Variants in TCF7 observed in about 807,000 individuals in gnomAD.
The protein encoded by TCF7 is T-cell-factor-7.
TCF7 carries 19 observed loss-of-function variants against 46.8 expected under a neutral mutation model. The observed-to-expected ratio is 0.41, with a 90% CI of 0.28 to 0.60. The LOEUF is 0.60. Ranked by LOEUF, TCF7 falls within the 20% of genes least tolerant of loss-of-function variation. The pLI, the probability that TCF7 is intolerant of heterozygous loss-of-function variation, is 0.35. For missense variants in TCF7, 547 were observed against 504.6 expected, an observed-to-expected ratio of 1.08 and a Z score of -0.81; for synonymous variants, 245 against 213.4, an observed-to-expected ratio of 1.15 and a Z score of -1.29.
chr5:134,137,767 C>T (rs1759106977), intron 3 of TCF7: 1 of 277,520 alleles, frequency 3.6e-6, no homozygotes, highest in African/African-American at 2.2e-5. Context: ...ACAAGCCAAA[C>T]CTGAGATGAG....
Position 134,138,660 on chromosome 5 carries a change from C to T in TCF7, c.548-291C>T, listed in dbSNP as rs908052978. On this transcript the variant is annotated intron_variant, in intron 4 of 9. Transcript: ENST00000342854. ...CCTGCCCAGAAAGCTAGGCTGGAGT[C>T]CCCCGAGCAGAGATGCCCCAATGCC... The T allele has an allele frequency of 1.1e-5, 4 of 378,678 alleles. No homozygotes were observed. The Admixed American group carries it at 1.2e-4, about 11-fold the overall frequency. The allele number at this position is 378,678 out of a possible 1,614,324, so 23.5% of individuals were successfully genotyped here.
chr5:134,134,404 A>C (rs935819216), intron 3 of TCF7, among the ~76,000 whole-genome samples: 5 of 152,234 alleles, frequency 3.3e-5, no homozygotes, highest in Non-Finnish European at 7.3e-5. Flanking sequence ...TTGTGCCCTA[A>C]GGTGGTGAAT....
intron 3 of TCF7, among the ~76,000 whole-genome samples, chr5:134,118,952 T>C (rs1419086710): frequency 3.3e-5 from 5 of 152,212 alleles, no homozygotes; most frequent in African/African-American, 1.2e-4. Flanking sequence ...CGGCTAAGTT[T>C]GTTTTTGTTT....
chr5:134,134,429 T>C (rs1481034768), intron 3 of TCF7, among the ~76,000 whole-genome samples: 1 of 152,250 alleles, frequency 6.6e-6, no homozygotes, highest in Non-Finnish European at 1.5e-5. Flanking sequence ...GAATGCTTTC[T>C]GGCAGGATCC....
At chr5:134,135,599 G>GT (rs1234305091) in intron 3 of TCF7, among the ~76,000 whole-genome samples, 17 of 152,200 alleles carry the variant, frequency 1.1e-4, no homozygotes, top group African/African-American at 4.1e-4. Flanking sequence ...AAAGGATGGA[G>GT]TTACCATTAA....
rs976912604 is a variant in TCF7 at position 134,146,552 on chromosome 5, G to A, written c.*249G>A. On this transcript the variant is annotated 3_prime_UTR_variant, in exon 10 of 10. Transcript: ENST00000342854. ...ACAGGACACCTGGCCGCCTCCAGGA[G>A]CCTACCCCCTGAAAGTGACAGAGAC... 1.3e-5 allele frequency: 9 copies of A among 712,474 alleles called. No individual in the cohort carries two copies. Among genetic ancestry groups the A allele is most frequent in the South Asian group, 1.2e-4 (8 of 66,948 alleles). 44.1% of individuals were successfully genotyped at this position (712,474 alleles called of 1,614,324 possible).
intron 3 of TCF7, chr5:134,123,770 G>A (rs1348606708): frequency 6.6e-6 from 3 of 456,300 alleles, no homozygotes; most frequent in South Asian, 4.6e-5. Flanking sequence ...GGGCAAGGCG[G>A]TACCCACCCA....
intron 2 of TCF7, 189 bp from the exon 3 acceptor site, chr5:134,115,720 C>T (rs1754067321): frequency 7.0e-7 from 1 of 1,435,428 alleles, no homozygotes; most frequent in Non-Finnish European, 9.1e-7. Context: ...GTAGGGGCCA[C>T]CTCGGGGAGG....
chr5:134,145,329 T>C, intron 9 of TCF7: 1 of 540,238 alleles, frequency 1.9e-6, no homozygotes, highest in South Asian at 1.4e-5. Flanking sequence ...CACAGAACCA[T>C]CTGGTTGCCA....
Position 134,143,669 on chromosome 5 carries a change from G to A in TCF7, c.1075+29G>A, listed in dbSNP as rs370382761. ...AGACCTTCTCTCAGCAGCAGTGGAG[G>A]CTCCTCTCCATGTCCCCATTTCAAG... On this transcript the variant is annotated intron_variant, in intron 9 of 9. Transcript: ENST00000342854. 955 of 1,612,968 alleles carry A rather than the reference G, an allele frequency of 5.9e-4. 14 individuals are homozygous for A. In the South Asian group the frequency reaches 0.01, roughly 17 times the overall value.
rs776512352 is a variant in TCF7 at position 134,138,169 on chromosome 5, A to G, written c.547+5A>G. 1.9e-6 allele frequency: 3 copies of G among 1,612,866 alleles called. No individual in the cohort carries two copies. The highest frequency in any genetic ancestry group is 2.5e-6 in the Non-Finnish European group (3 of 1,179,190). On this transcript the variant is annotated splice_donor_5th_base_variant and intron_variant, in intron 4 of 9. Coordinates refer to ENST00000342854, the MANE Select transcript of TCF7 (RefSeq NM_003202.5). ...CGGACATCAGCCAGAAGCAAGGTAC[A>G]AGCCTGGGATGGGGAGGGGCCCAGT...
intron 3 of TCF7, among the ~76,000 whole-genome samples, chr5:134,132,956 C>T (rs916809536): frequency 2.0e-5 from 3 of 152,150 alleles, no homozygotes; most frequent in African/African-American, 2.4e-5. Flanking sequence ...TCCAGAAGGG[C>T]GAGGAGCCCC....
intron 4 of TCF7, 136 bp from the exon 5 acceptor site, chr5:134,138,815 A>T: frequency 7.5e-7 from 1 of 1,340,214 alleles, no homozygotes; most frequent in Non-Finnish European, 1.0e-6. Flanking sequence ...CCTCCTGAAT[A>T]AACTAGTTTA....
upstream of TCF7, among the ~76,000 whole-genome samples, chr5:134,110,947 A>T (rs1755321911): frequency 6.6e-6 from 1 of 152,232 alleles, no homozygotes; most frequent in Admixed American, 6.5e-5. Flanking sequence ...ACGTTACATG[A>T]AGAGCCAATT....
intron 3 of TCF7, among the ~76,000 whole-genome samples, chr5:134,136,004 T>A (rs1758808628): frequency 6.6e-6 from 1 of 152,102 alleles, no homozygotes; most frequent in African/African-American, 2.4e-5. Context: ...ATGGTGGAAG[T>A]CACTGGGACT....
intron 9 of TCF7, chr5:134,144,620 C>T (rs1361598523): frequency 5.0e-6 from 3 of 598,142 alleles, no homozygotes; most frequent in Admixed American, 2.8e-5. Context: ...TGGCTCTGGG[C>T]TCTTGGGCTC....
intron 3 of TCF7, among the ~76,000 whole-genome samples, chr5:134,125,079 G>A (rs569027427): frequency 3.9e-5 from 6 of 152,194 alleles, no homozygotes; most frequent in South Asian, 4.1e-4. Context: ...GGCCTCAGCC[G>A]GGGTTTGCTG....
intron 8 of TCF7, 133 bp from the exon 9 acceptor site, chr5:134,143,456 CAAG>C: frequency 3.9e-6 from 4 of 1,035,940 alleles, no homozygotes; most frequent in Non-Finnish European, 6.1e-6. Context: ...GACCAGCAAT[CAAG>C]AAACACCAGC....
At chr5:134,130,055 C>G (rs953370612) in intron 3 of TCF7, among the ~76,000 whole-genome samples, 7 of 152,222 alleles carry the variant, frequency 4.6e-5, no homozygotes, top group Admixed American at 1.3e-4. Flanking sequence ...AGGGAGCTTG[C>G]GGGCCGTCCT....
Sources: gnomAD v4.1 joint callset for allele counts (sites outside exome capture counted in the v4.1 genomes callset) on GRCh38, gnomAD v4.1.1 for gene constraint, MANE v1.5 for transcripts, NCBI Gene and HGNC (gene_info 2026-07-23, HGNC 2026-07-21) for gene names.